The following LDB2 variants were observed in gnomAD, a reference collection of about 807,000 sequenced individuals.
LDB2 encodes LIM domain binding 2, also known as LIM domain-binding protein 2.
A neutral mutation model predicts 44.3 loss-of-function variants in LDB2; 12 were observed. The observed-to-expected ratio is 0.27, with a 90% CI of 0.17 to 0.44. The LOEUF is 0.44. Ranked by LOEUF, LDB2 falls within the 20% of genes least tolerant of loss-of-function variation. The pLI is 1.00. For missense variants in LDB2, 344 were observed against 473.5 expected, an observed-to-expected ratio of 0.73 and a Z score of 2.54; for synonymous variants, 164 against 174.8, an observed-to-expected ratio of 0.94 and a Z score of 0.49.
intron 1 of LDB2, among the ~76,000 whole-genome samples, chr4:16,784,722 G>A (rs1204286482): frequency 2.6e-5 from 4 of 152,000 alleles, no homozygotes; most frequent in Non-Finnish European, 5.9e-5. Flanking sequence ...GCCTTTCTGG[G>A]GTCTAATCCT....
At chr4:16,662,403 A>G (rs1020125688) in intron 2 of LDB2, among the ~76,000 whole-genome samples, 1 of 152,212 alleles carries the variant, frequency 6.6e-6, no homozygotes, top group Admixed American at 6.5e-5. Flanking sequence ...CTGTTCTCCC[A>G]TTCCTAATTT....
intron 1 of LDB2, chr4:16,826,445 A>G (rs1273184389): frequency 6.6e-6 from 1 of 152,222 alleles, no homozygotes; most frequent in East Asian, 1.9e-4. Flanking sequence ...GCTCATCTAC[A>G]TTTCCTATTT....
In LDB2 at chr4:16,791,556, GAAAA is replaced by G. The variant is rs67578284; in HGVS notation, c.133-32300_133-32297del. On this transcript the variant is annotated intron_variant, in intron 1 of 7. Coordinates refer to ENST00000304523, the MANE Select transcript of LDB2 (RefSeq NM_001290.5). ...GGCAACAGAGCGAGACTCTGGCTCAGAAAAAAAAAAAAAAAAGAAAGACAGCCAT... is the reference window on the plus strand; with the variant it reads ...GGCAACAGAGCGAGACTCTGGCTCAGAAAAAAAAAAAAGAAAGACAGCCAT... Among the ~76,000 whole-genome samples the G allele has an allele frequency of 1.5e-3, 87 of 59,018 alleles. 3 individuals are homozygous for G. Among genetic ancestry groups the G allele is most frequent in the Admixed American group, 8.3e-3 (42 of 5,034 alleles). 38.7% of individuals were successfully genotyped at this position (59,018 alleles called of 152,430 possible). A position where few individuals can be genotyped will look rare whatever the true frequency, so the allele number is the denominator to read the frequency against.
intron 1 of LDB2, among the ~76,000 whole-genome samples, chr4:16,791,570 A>AAAAAAAAAAAAAC (rs1157053185): frequency 1.3e-4 from 19 of 151,088 alleles, no homozygotes; most frequent in Non-Finnish European, 1.6e-4. Context: ...AAAAAAAAAA[A>AAAAAAAAAAAAAC]AAGAAAGACA....
rs867508759 is a variant in LDB2, at chr4:16,511,187, A to G, written c.739+794T>C. On this transcript the variant is annotated intron_variant, in intron 6 of 7. Transcript: ENST00000304523. ...ATTATATTTTGTGATTCAGAAAGCT[A>G]TGTGCCTCGTGTTAATAATTACTTT... 5.3e-5 allele frequency among the ~76,000 whole-genome samples: 8 copies of G among 152,326 alleles called. No individual in the cohort carries two copies. In the South Asian group the frequency reaches 1.2e-3, roughly 24 times the overall value.
chr4:16,632,680 C>T (rs949909808), intron 2 of LDB2, among the ~76,000 whole-genome samples: 1 of 152,062 alleles, frequency 6.6e-6, no homozygotes, highest in African/African-American at 2.4e-5. Flanking sequence ...CTTAGAAAAC[C>T]CCATCCTCTC....
In LDB2 at chr4:16,827,070, T is replaced by A. The variant is rs145771352; in HGVS notation, c.133-67810A>T. Reference sequence around the variant, plus strand: ...GCAAACCAGTTGCACAGAAAATTCTTATTTGCTATTCATCATTACATCCTG... The same window carrying A: ...GCAAACCAGTTGCACAGAAAATTCTAATTTGCTATTCATCATTACATCCTG... On this transcript the variant is annotated intron_variant, in intron 1 of 7. Coordinates refer to ENST00000304523, the MANE Select transcript of LDB2 (RefSeq NM_001290.5). Among the ~76,000 whole-genome samples the A allele has an allele frequency of 1.1e-3, 162 of 152,302 alleles. 1 individual carries two copies. The highest frequency in any genetic ancestry group is 3.8e-3 in the African/African-American group (156 of 41,570).
At chr4:16,563,811 T>C (rs925065890) in intron 5 of LDB2, among the ~76,000 whole-genome samples, 1 of 152,034 alleles carries the variant, frequency 6.6e-6, no homozygotes, top group Admixed American at 6.6e-5. Context: ...AATCACACCA[T>C]GGCGGACCTG....
At chr4:16,794,578 C>T (rs1024041966) in intron 1 of LDB2, among the ~76,000 whole-genome samples, 2 of 152,100 alleles carry the variant, frequency 1.3e-5, no homozygotes, top group Admixed American at 6.6e-5. Flanking sequence ...TTCTCTGTAC[C>T]TCAATCTCTT....
chr4:16,708,810 T>C (rs157615), intron 2 of LDB2, among the ~76,000 whole-genome samples: 71,550 of 151,800 alleles, frequency 0.47, 17,223 homozygotes, highest in East Asian at 0.78. Context: ...GTGGGAGCTA[T>C]CTTTCCCCCA....
chr4:16,622,954 T>C (rs1026547652), intron 2 of LDB2, among the ~76,000 whole-genome samples: 1 of 152,206 alleles, frequency 6.6e-6, no homozygotes, highest in African/African-American at 2.4e-5. Flanking sequence ...CCACGTTTAT[T>C]TTTCTATATA....
At chr4:16,886,894 G>T (rs946541809) in intron 1 of LDB2, among the ~76,000 whole-genome samples, 2 of 151,858 alleles carry the variant, frequency 1.3e-5, no homozygotes, top group Admixed American at 1.3e-4. Flanking sequence ...TAAGCCGGGT[G>T]TGGTGGCGGG....
chr4:16,550,841 T>C (rs2152347387), intron 5 of LDB2, among the ~76,000 whole-genome samples: 1 of 152,318 alleles, frequency 6.6e-6, no homozygotes, highest in African/African-American at 2.4e-5. Context: ...AGCAATAAAA[T>C]TGGAAACTAC....
chr4:16,846,206 A>C (rs1786969237), intron 1 of LDB2, among the ~76,000 whole-genome samples: 1 of 151,892 alleles, frequency 6.6e-6, no homozygotes, highest in Non-Finnish European at 1.5e-5. Flanking sequence ...TATGCAATGC[A>C]CTCCCTAAGA....
At chr4:16,851,084 C>G (rs954971592) in intron 1 of LDB2, among the ~76,000 whole-genome samples, 2 of 151,606 alleles carry the variant, frequency 1.3e-5, no homozygotes, top group African/African-American at 2.4e-5. Context: ...TCAGTGGAAG[C>G]AGTGGGGTGC....
At chr4:16,651,190 A>G (rs1281468341) in intron 2 of LDB2, 1 of 152,194 alleles carries the variant, frequency 6.6e-6, no homozygotes, top group East Asian at 1.9e-4. Context: ...CATTCACTCC[A>G]TAGAGTCCAT....
At chr4:16,687,863 T>C (rs1749647970) in intron 2 of LDB2, among the ~76,000 whole-genome samples, 1 of 152,188 alleles carries the variant, frequency 6.6e-6, no homozygotes, top group Non-Finnish European at 1.5e-5. Flanking sequence ...ATTAACCTTA[T>C]TCATCATAAG....
chr4:16,800,738 A>C (rs534102954), intron 1 of LDB2, among the ~76,000 whole-genome samples: 6 of 152,160 alleles, frequency 3.9e-5, no homozygotes, highest in African/African-American at 1.4e-4. Flanking sequence ...GCAGTGGCGC[A>C]ATCTCGGCTC....
chr4:16,766,455 TAC>T (rs1331870370), intron 1 of LDB2, among the ~76,000 whole-genome samples: 1 of 130,698 alleles, frequency 7.7e-6, no homozygotes, highest in Non-Finnish European at 1.7e-5. Flanking sequence ...TGTATATATA[TAC>T]ACACACATAT....
Sources: gnomAD v4.1 joint callset for allele counts (sites outside exome capture counted in the v4.1 genomes callset) on GRCh38, gnomAD v4.1.1 for gene constraint, MANE v1.5 for transcripts, NCBI Gene and HGNC (gene_info 2026-07-23, HGNC 2026-07-21) for gene names.